The following FOXRED2 variants were observed in gnomAD, a reference collection of about 807,000 sequenced individuals.
FOXRED2 encodes FAD-dependent oxidoreductase domain-containing protein 2.
A neutral mutation model predicts 52.5 loss-of-function variants in FOXRED2; 32 were observed. The ratio of observed to expected loss-of-function variants is 0.61; its 90% CI spans 0.46 to 0.82. FOXRED2 has a LOEUF of 0.82. Among genes scored for constraint, FOXRED2 ranks in the 40% least tolerant of loss-of-function variants. The probability of loss-of-function intolerance (pLI) is 0.00; values close to 1 mark genes in which losing one functional copy is unlikely to be tolerated. For missense variants in FOXRED2, 848 were observed against 937.5 expected (o/e 0.90, Z 1.25); for synonymous variants, 405 against 398.1 (o/e 1.02, Z -0.21).
intron 2 of FOXRED2, 29 bp from the exon 3 acceptor site, chr22:36,504,795 T>G: frequency 6.2e-7 from 1 of 1,610,158 alleles, no homozygotes; most frequent in Non-Finnish European, 8.5e-7. Flanking sequence ...GAAAGATGGC[T>G]TAGTCTCTTA....
At chr22:36,505,460 C>T (rs1398762344) in intron 2 of FOXRED2, among the ~76,000 whole-genome samples, 1 of 152,188 alleles carries the variant, frequency 6.6e-6, no homozygotes, top group Admixed American at 6.5e-5. Flanking sequence ...GCTTTGATCA[C>T]AGAGTGGTTT....
At chr22:36,490,691 C>T (rs980979282) in intron 8 of FOXRED2, among the ~76,000 whole-genome samples, 22 of 152,220 alleles carry the variant, frequency 1.4e-4, no homozygotes, top group Non-Finnish European at 2.5e-4. Context: ...CCTGCAAAGA[C>T]GCAGTCCCTC....
chr22:36,499,859 T>C (rs1042092673), intron 5 of FOXRED2, among the ~76,000 whole-genome samples: 7 of 152,164 alleles, frequency 4.6e-5, no homozygotes, highest in African/African-American at 1.4e-4. Flanking sequence ...TGGAGTGCAA[T>C]GGTGTGGGCT....
intron 2 of FOXRED2, among the ~76,000 whole-genome samples, chr22:36,505,555 G>C (rs1386297432): frequency 6.6e-6 from 1 of 152,048 alleles, no homozygotes; most frequent in East Asian, 1.9e-4. Context: ...GATCTCCTGA[G>C]GTCAGGAGTT....
At position 36,501,293 on chromosome 22, in the gene FOXRED2, C is replaced by T. The variant is rs375143108; in HGVS notation, c.1164G>A (p.Ser388=). ...CCCCAGCAGATTTCCGGTAGTCCACCGAGTGGCTGGCAGTACCCAGGATAA... is the reference window on the plus strand; with the variant it reads ...CCCCAGCAGATTTCCGGTAGTCCACTGAGTGGCTGGCAGTACCCAGGATAA... ...GLFILGTASH[S]VDYRKSAGGF... is the part of the protein sequence containing the mutation. The change falls in exon 5 of 9, where the codon TCG becomes TCA. Residue 388 remains serine, a synonymous_variant. Coordinates refer to ENST00000397224, the MANE Select transcript of FOXRED2 (RefSeq NM_001102371.2). 12 of 1,613,978 alleles carry T rather than the reference C, an allele frequency of 7.4e-6. No individual in the cohort carries two copies. The African/African-American group carries it at 9.3e-5, about 13-fold the overall frequency.
intron 2 of FOXRED2, 79 bp from the exon 3 acceptor site, chr22:36,504,845 C>A: frequency 2.0e-6 from 3 of 1,492,696 alleles, no homozygotes; most frequent in Non-Finnish European, 1.8e-6. Flanking sequence ...CCTGGACCCA[C>A]CCACCCACCT....
In FOXRED2 at chr22:36,496,056, A is replaced by C. The variant is rs142104315; in HGVS notation, c.1535T>G (p.Phe512Cys). The part of the protein sequence containing the change: ...NFSGPDKDVF[F>C]DDRSVGHTED... Reference sequence around the variant, plus strand: ...TGTGTGCCCCACAGACCGGTCATCAAAGAAGACGTCCTTGTCGGGGCCAGA... The same window carrying C: ...TGTGTGCCCCACAGACCGGTCATCACAGAAGACGTCCTTGTCGGGGCCAGA... Residue 512 changes from phenylalanine to cysteine, a missense_variant, in exon 7 of 9, where the codon TTT becomes TGT. By Grantham distance (205) the Phe-to-Cys change is radical (BLOSUM62 -2). Transcript: ENST00000397224. 885 of 1,614,242 alleles carry C rather than the reference A, an allele frequency of 5.5e-4. 16 individuals are homozygous for C. In the East Asian group the frequency reaches 0.016, roughly 29 times the overall value.
intron 6 of FOXRED2, among the ~76,000 whole-genome samples, chr22:36,496,740 T>TG (rs1001515573): frequency 2.6e-4 from 40 of 152,022 alleles, no homozygotes; most frequent in Non-Finnish European, 5.0e-4. Flanking sequence ...CCAGGCCAAG[T>TG]GGGGCGGCTG....
chr22:36,497,294 C>T (rs1052749470), intron 6 of FOXRED2, among the ~76,000 whole-genome samples: 7 of 152,002 alleles, frequency 4.6e-5, no homozygotes, highest in Non-Finnish European at 8.8e-5. Context: ...GAGCAGAGAT[C>T]GCACCACTGC....
At chr22:36,506,481 G>A (rs1934204465) in intron 1 of FOXRED2, 58 bp from the exon 2 acceptor site, 6 of 1,401,598 alleles carry the variant, frequency 4.3e-6, no homozygotes, top group South Asian at 1.6e-5. Context: ...GGAGACACGA[G>A]GCCCAGAAAG....
intron 8 of FOXRED2, among the ~76,000 whole-genome samples, chr22:36,491,761 C>A (rs1383058053): frequency 6.6e-6 from 1 of 152,184 alleles, no homozygotes; most frequent in Non-Finnish European, 1.5e-5. Flanking sequence ...AAACCTGTTT[C>A]TTTATAAATT....
At chr22:36,499,503 G>A (rs1335072457) in intron 5 of FOXRED2, among the ~76,000 whole-genome samples, 1 of 152,140 alleles carries the variant, frequency 6.6e-6, no homozygotes, top group Admixed American at 6.6e-5. Flanking sequence ...GTGCACGCCT[G>A]AAGTCCCAGC....
chr22:36,506,505 G>A lies in FOXRED2; in HGVS notation c.-1-82C>T, dbSNP rs1430658674. 10 of 1,315,450 alleles carry A rather than the reference G, an allele frequency of 7.6e-6. No homozygotes were observed. The Admixed American group carries it at 2.1e-4, about 28-fold the overall frequency. The allele number at this position is 1,315,450 out of a possible 1,614,324, so 81.5% of individuals were successfully genotyped here. On this transcript the variant is annotated intron_variant, in intron 1 of 8. Transcript: ENST00000397224. The stretch of plus-strand genomic sequence containing the variant: ...AGGCCCAGAAAGAGGCGGGGCCTGC[G>A]GGAACTCTCACTGCAATCTGGGTCA...
In FOXRED2 at chr22:36,490,217, G is replaced by T. The variant is rs1174410260; in HGVS notation, c.1846C>A (p.Gln616Lys). 1 of 1,613,508 alleles carries T rather than the reference G, an allele frequency of 6.2e-7. No homozygotes were observed. Among genetic ancestry groups the T allele is most frequent in the African/African-American group, 1.3e-5 (1 of 74,928 alleles). Residue 616 changes from glutamine to lysine, a missense_variant, in exon 9 of 9, where the codon CAG becomes AAG. Physicochemically the swap from Gln to Lys is moderately conservative, Grantham distance 53. Coordinates refer to ENST00000397224, the MANE Select transcript of FOXRED2 (RefSeq NM_001102371.2). Reference sequence around the variant, plus strand: ...CCCTGCATCCTCAGGTACCCCTGCTGGCAAAAGGGTGGCAACTTCTGGCGC... The same window carrying T: ...CCCTGCATCCTCAGGTACCCCTGCTTGCAAAAGGGTGGCAACTTCTGGCGC... ...LTRQKLPPFC[Q>K]QGYLRMQGLV...
intron 4 of FOXRED2, among the ~76,000 whole-genome samples, chr22:36,501,798 T>C (rs565967823): frequency 2.6e-5 from 4 of 152,258 alleles, no homozygotes; most frequent in African/African-American, 4.8e-5. Context: ...TTACTGGCAC[T>C]GAGTGCCTTA....
At chr22:36,493,446 A>AAG (rs1226695986) in intron 8 of FOXRED2, among the ~76,000 whole-genome samples, 187 bp downstream of exon 8, 1 of 151,992 alleles carries the variant, frequency 6.6e-6, no homozygotes, top group Admixed American at 6.6e-5. Flanking sequence ...CTCAAAAAAA[A>AAG]AAAAAAGAAG....
Position 36,506,018 on chromosome 22 carries a change from C to T in FOXRED2, c.405G>A (p.Thr135=), listed in dbSNP as rs768348338. ...TGTTGTACTGGACACGGAGCCCCAG[C>T]GTGTCCGCGAAGTCACCCAGGTAGC... ...MVRYLGDFAD[T]LGLRVQYNTT... is the part of the protein sequence containing the mutation. The change falls in exon 2 of 9, where the codon ACG becomes ACA. Residue 135 remains threonine, a synonymous_variant. Transcript: ENST00000397224. The T allele has an allele frequency of 5.6e-6, 9 of 1,614,126 alleles. No homozygotes were observed. The highest frequency in any genetic ancestry group is 1.7e-5 in the Admixed American group (1 of 60,012).
intron 4 of FOXRED2, among the ~76,000 whole-genome samples, 154 bp from the exon 5 acceptor site, chr22:36,501,561 A>C (rs762776294): frequency 1.3e-5 from 2 of 152,250 alleles, no homozygotes; most frequent in Non-Finnish European, 2.9e-5. Flanking sequence ...CCTGGGTTCA[A>C]ACTATTATCC....
rs969733610 is a variant in FOXRED2 at position 36,490,683 on chromosome 22, T to C, written c.1796-416A>G. 1.3e-5 allele frequency among the ~76,000 whole-genome samples: 2 copies of C among 152,192 alleles called. 1 individual carries two copies. Among genetic ancestry groups the C allele is most frequent in the South Asian group, 4.1e-4 (2 of 4,834 alleles). On this transcript the variant is annotated intron_variant, in intron 8 of 8. Coordinates refer to ENST00000397224, the MANE Select transcript of FOXRED2 (RefSeq NM_001102371.2). ...GTTCCACTGTGAGCTCAGATCTGCCTGCAAAGACGCAGTCCCTCAACAACA... is the reference window on the plus strand; with the variant it reads ...GTTCCACTGTGAGCTCAGATCTGCCCGCAAAGACGCAGTCCCTCAACAACA...
Sources: gnomAD v4.1 joint callset for allele counts (sites outside exome capture counted in the v4.1 genomes callset) on GRCh38, gnomAD v4.1.1 for gene constraint, MANE v1.5 for transcripts, NCBI Gene and HGNC (gene_info 2026-07-23, HGNC 2026-07-21) for gene names.